Variants in DCAF10 observed in about 807,000 individuals in gnomAD.
The protein encoded by DCAF10 is DDB1- and CUL4-associated factor 10.
DCAF10 carries 19 observed loss-of-function variants against 51.9 expected under a neutral mutation model. The ratio of observed to expected loss-of-function variants is 0.37; its 90% confidence interval spans 0.26 to 0.54. The LOEUF (loss-of-function observed/expected upper bound fraction) is 0.54. Among genes scored for constraint, DCAF10 ranks in the 20% least tolerant of loss-of-function variants. The pLI, the probability that DCAF10 is intolerant of heterozygous loss-of-function variation, is 0.87. For synonymous variants in DCAF10, 291 were observed against 297.1 expected, an observed-to-expected ratio of 0.98 and a Z score of 0.21; for missense variants, 510 against 730.6, an observed-to-expected ratio of 0.70 and a Z score of 3.48.
At chr9:37,830,181 CA>C (rs1228572565) in intron 2 of DCAF10, among the ~76,000 whole-genome samples, 1 of 152,074 alleles carries the variant, frequency 6.6e-6, no homozygotes, top group East Asian at 1.9e-4. Flanking sequence ...TACTATACAT[CA>C]GTTAAGATAA....
chr9:37,827,150 C>T (rs1190185931), intron 2 of DCAF10, among the ~76,000 whole-genome samples: 1 of 152,104 alleles, frequency 6.6e-6, no homozygotes, highest in Non-Finnish European at 1.5e-5. Flanking sequence ...TTTGTAAGAA[C>T]ACCAACATAA....
At chr9:37,819,431 A>G in intron 2 of DCAF10, 30 bp downstream of exon 2, 2 of 1,543,688 alleles carry the variant, frequency 1.3e-6, no homozygotes, top group Non-Finnish European at 1.8e-6. Context: ...AGTGAACTTT[A>G]TCAGTGTGGC....
At chr9:37,806,435 A>G (rs1394905301) in intron 1 of DCAF10, among the ~76,000 whole-genome samples, 1 of 152,190 alleles carries the variant, frequency 6.6e-6, no homozygotes, top group Non-Finnish European at 1.5e-5. Context: ...GCAACCTCCA[A>G]CACACAAAAA....
Position 37,829,593 on chromosome 9 carries a change from G to A in DCAF10, c.653+10192G>A, listed in dbSNP as rs1017870082. Among the ~76,000 whole-genome samples, 10 of 152,058 alleles carry A rather than the reference G, an allele frequency of 6.6e-5. No individual in the cohort carries two copies. The highest frequency in any genetic ancestry group is 2.1e-4 in the South Asian group (1 of 4,822). On this transcript the variant is annotated intron_variant, in intron 2 of 6. Coordinates refer to ENST00000377724, the MANE Select transcript of DCAF10 (RefSeq NM_024345.5). The surrounding 1 kb of genome is among the most constrained non-coding windows in gnomAD (Gnocchi z 4.2). Reference sequence around the variant, plus strand: ...CAGAAAAATACTTGCTATTTCTCTCGGCAGCGAAACGTTGAGAAATAGGCA... The same window carrying A: ...CAGAAAAATACTTGCTATTTCTCTCAGCAGCGAAACGTTGAGAAATAGGCA...
chr9:37,825,599 G>A (rs1305135220), intron 2 of DCAF10, among the ~76,000 whole-genome samples: 3 of 152,138 alleles, frequency 2.0e-5, no homozygotes, highest in Non-Finnish European at 4.4e-5. Context: ...GGTGGGAGAG[G>A]ATCAGGTTAA....
chr9:37,858,300 T>C (rs1286966863), intron 5 of DCAF10, among the ~76,000 whole-genome samples: 1 of 152,246 alleles, frequency 6.6e-6, no homozygotes, highest in Non-Finnish European at 1.5e-5. Context: ...CTCTTAAATT[T>C]AAAGATTTAT....
chr9:37,801,866 G>A lies in DCAF10; in HGVS notation c.539+461G>A, dbSNP rs1038706424. On this transcript the variant is annotated intron_variant, in intron 1 of 6. Transcript: ENST00000377724. This position sits in a 1 kb window ranked among gnomAD's most constrained non-coding sequence, Gnocchi z 5.5. ...GAACTTGCCATGATGGGGCAAGTGC[G>A]TTCCTTTGCTCAAGGAAGATACAGT... is the stretch of plus-strand genomic sequence containing the variant. 7.9e-5 allele frequency among the ~76,000 whole-genome samples: 12 copies of A among 152,172 alleles called. No individual in the cohort carries two copies. The highest frequency in any genetic ancestry group is 2.9e-4 in the African/African-American group (12 of 41,428).
chr9:37,836,523 G>C (rs1056346915), intron 2 of DCAF10: 3 of 800,828 alleles, frequency 3.7e-6, no homozygotes, highest in Non-Finnish European at 6.4e-6. Flanking sequence ...TTGAGTTCTC[G>C]TGCCCTCATC....
chr9:37,858,037 C>CT (rs141204248), intron 5 of DCAF10, among the ~76,000 whole-genome samples: 7,325 of 148,520 alleles, frequency 0.049, 367 homozygotes, highest in African/African-American at 0.13. Flanking sequence ...AGATGGCTTG[C>CT]TTTTTTTTTT....
chr9:37,800,676 C>T (rs1481834972), upstream of DCAF10: 1 of 1,536,032 alleles, frequency 6.5e-7, no homozygotes, highest in Admixed American at 2.0e-5. Flanking sequence ...CCTCCGTTCC[C>T]GGGACTGCGG....
rs555469158 is a variant in DCAF10 at position 37,815,548 on chromosome 9, G to A, written c.540-3740G>A. On this transcript the variant is annotated intron_variant, in intron 1 of 6. Transcript: ENST00000377724. ...CAGTCCCAGCTACCCAGGAGGCTGCGGCAGGAGAATCACTTGAACCCGGGA... is the reference window on the plus strand; with the variant it reads ...CAGTCCCAGCTACCCAGGAGGCTGCAGCAGGAGAATCACTTGAACCCGGGA... Among the ~76,000 whole-genome samples, 42 of 152,172 alleles carry A rather than the reference G, an allele frequency of 2.8e-4. No individual in the cohort carries two copies. The East Asian group carries it at 3.1e-3, about 11-fold the overall frequency.
At chr9:37,826,288 G>A (rs3928268) in intron 2 of DCAF10, among the ~76,000 whole-genome samples, 29,066 of 152,132 alleles carry the variant, frequency 0.19, 3,176 homozygotes, top group African/African-American at 0.29. Flanking sequence ...TATTATGCAT[G>A]TAAAGAGAAG....
intron 2 of DCAF10, among the ~76,000 whole-genome samples, chr9:37,832,583 G>C (rs1830039757): frequency 6.6e-6 from 1 of 152,186 alleles, no homozygotes; most frequent in African/African-American, 2.4e-5. Context: ...GTAGTGCTGT[G>C]TCAGTGGGAA....
At chr9:37,824,290 A>G (rs1829789746) in intron 2 of DCAF10, among the ~76,000 whole-genome samples, 1 of 152,202 alleles carries the variant, frequency 6.6e-6, no homozygotes, top group Non-Finnish European at 1.5e-5. Context: ...AGTAACAACA[A>G]ATAGATTGTA....
rs570509353 is a variant in DCAF10, at chr9:37,820,543, T to C, written c.653+1142T>C. Reference sequence around the variant, plus strand: ...ACCCGAGACTATAAGTTTTAGCTGATAAAAACACAGCCTCATCAATAGCTA... The same window carrying C: ...ACCCGAGACTATAAGTTTTAGCTGACAAAAACACAGCCTCATCAATAGCTA... On this transcript the variant is annotated intron_variant, in intron 2 of 6. Coordinates refer to ENST00000377724, the MANE Select transcript of DCAF10 (RefSeq NM_024345.5). 1.3e-4 allele frequency among the ~76,000 whole-genome samples: 20 copies of C among 152,274 alleles called. No homozygotes were observed. The South Asian group carries it at 2.1e-3, about 16-fold the overall frequency.
intron 2 of DCAF10, among the ~76,000 whole-genome samples, chr9:37,831,323 T>C (rs1430646057): frequency 1.3e-5 from 2 of 152,266 alleles, no homozygotes; most frequent in Non-Finnish European, 2.9e-5. Flanking sequence ...ATGCTTTCTA[T>C]GTGCCAAACC....
At chr9:37,848,178 T>G (rs1487436004) in intron 3 of DCAF10, among the ~76,000 whole-genome samples, 1 of 152,196 alleles carries the variant, frequency 6.6e-6, no homozygotes, top group African/African-American at 2.4e-5. Context: ...CATAAAATGT[T>G]AAACATGGAG....
chr9:37,857,902 C>G (rs1041466222), intron 5 of DCAF10, among the ~76,000 whole-genome samples: 4 of 152,184 alleles, frequency 2.6e-5, no homozygotes, highest in East Asian at 3.8e-4. Flanking sequence ...CCACACCCCC[C>G]CAGTTGAAAT....
intron 2 of DCAF10, chr9:37,836,066 T>G (rs752814374): frequency 8.7e-6 from 10 of 1,146,056 alleles, no homozygotes; most frequent in South Asian, 3.7e-5. Flanking sequence ...TGGACAGTTA[T>G]GAATATTTTG....
Sources: gnomAD v4.1 joint callset for allele counts (sites outside exome capture counted in the v4.1 genomes callset) on GRCh38, gnomAD v4.1.1 for gene constraint, Gnocchi (gnomAD v3.1) non-coding constraint, MANE v1.5 for transcripts, NCBI Gene and HGNC (gene_info 2026-07-23, HGNC 2026-07-21) for gene names.